Variants in NOP14 observed in about 807,000 individuals in gnomAD.
NOP14 encodes the protein NOP14 nucleolar protein.
A neutral mutation model predicts 101.6 loss-of-function variants in NOP14; 57 were observed. That is an observed-to-expected ratio of 0.56 (90% CI 0.45 to 0.70). The LOEUF (loss-of-function observed/expected upper bound fraction) is 0.70. NOP14 is among the 30% of genes least tolerant of loss of function. The pLI is 0.00. For missense variants in NOP14, 1,134 were observed against 1,075.5 expected (o/e 1.05, Z -0.76); for synonymous variants, 428 against 424.0 (o/e 1.01, Z -0.12).
At chr4:2,945,360 G>T in intron 11 of NOP14, 131 bp from the exon 12 acceptor site, 1 of 682,622 alleles carries the variant, frequency 1.5e-6, no homozygotes, top group Non-Finnish European at 2.5e-6. Flanking sequence ...CCAGAGCTCT[G>T]GCCTCAGTGT....
chr4:2,959,464 G>C (rs993542009), intron 1 of NOP14, among the ~76,000 whole-genome samples: 4 of 152,024 alleles, frequency 2.6e-5, no homozygotes, highest in African/African-American at 9.7e-5. Flanking sequence ...GTGGTGGCGG[G>C]CGCCTGTAGT....
At chr4:2,958,187 G>T (rs1365888971) in intron 1 of NOP14, among the ~76,000 whole-genome samples, 1 of 152,170 alleles carries the variant, frequency 6.6e-6, no homozygotes, top group Non-Finnish European at 1.5e-5. Flanking sequence ...TAGACACAAG[G>T]CAATAAACAA....
chr4:2,957,780 G>A (rs1403260321), intron 1 of NOP14, 40 bp from the exon 2 acceptor site: 2 of 1,606,202 alleles, frequency 1.2e-6, no homozygotes, highest in Admixed American at 1.7e-5. Context: ...AAAAATTCTT[G>A]TGATTTCCAC....
intron 6 of NOP14, 151 bp downstream of exon 6, chr4:2,952,124 A>T: frequency 4.7e-6 from 3 of 636,342 alleles, no homozygotes; most frequent in Non-Finnish European, 7.1e-6. Context: ...AAAAAAAAAA[A>T]GGTATTCATG....
chr4:2,941,253 G>A, intron 15 of NOP14: 2 of 301,924 alleles, frequency 6.6e-6, no homozygotes, highest in South Asian at 3.9e-5. Context: ...CATCGGGACT[G>A]CAGAGCGCGG....
chr4:2,952,012 C>T (rs192728121), intron 6 of NOP14, among the ~76,000 whole-genome samples: 3 of 150,880 alleles, frequency 2.0e-5, no homozygotes, highest in Non-Finnish European at 2.9e-5. Flanking sequence ...GAGGCTGAGG[C>T]AGGAGAATCA....
intron 3 of NOP14, among the ~76,000 whole-genome samples, chr4:2,956,240 A>T (rs1715336612): frequency 6.6e-6 from 1 of 152,228 alleles, no homozygotes. Context: ...CATCAATGCC[A>T]CTGGTACAAA....
chr4:2,961,558 C>G (rs182824512), intron 1 of NOP14: 1 of 152,236 alleles, frequency 6.6e-6, no homozygotes, highest in Admixed American at 6.5e-5. Context: ...CCCCTACACG[C>G]GTTATCAAGC....
rs372993133 is a variant in NOP14 at position 2,939,340 on chromosome 4, G to A, written c.2322C>T (p.Leu774=). 1.1e-4 allele frequency: 175 copies of A among 1,613,820 alleles called. No individual in the cohort carries two copies. Among genetic ancestry groups the A allele is most frequent in the Middle Eastern group, 3.3e-4 (2 of 6,082 alleles). The change falls in exon 17 of 18, where the codon CTC becomes CTT. Residue 774 remains leucine, a synonymous_variant. Coordinates refer to ENST00000416614, the MANE Select transcript of NOP14 (RefSeq NM_001291978.2). ...TACTGCCTTGTTTTCTTCCAAACTC[G>A]AGGCTACAACCAGAAAGCCACTGTT... ...KLFTPRLVKV[L]EFGRKQGSSK...
At chr4:2,951,348 C>G in intron 6 of NOP14, 103 bp from the exon 7 acceptor site, 1 of 1,028,526 alleles carries the variant, frequency 9.7e-7, no homozygotes, top group Non-Finnish European at 1.4e-6. Context: ...TACGGTCCTC[C>G]CAGCTCTGAG....
rs572496259 is a variant in NOP14, at chr4:2,938,380, C to T, written c.*451G>A. On this transcript the variant is annotated 3_prime_UTR_variant, in exon 18 of 18. Coordinates refer to ENST00000416614, the MANE Select transcript of NOP14 (RefSeq NM_001291978.2). ...TACTAAAAATACAAAATTAGCTGGG[C>T]GTGGTGGCACATGTCTGTAATCCCA... The T allele has an allele frequency of 1.8e-4, 72 of 406,000 alleles. No individual in the cohort carries two copies. The highest frequency in any genetic ancestry group is 6.5e-4 in the East Asian group (8 of 12,348). 25.1% of individuals were successfully genotyped at this position (406,000 alleles called of 1,614,324 possible).
At chr4:2,956,575 T>C in intron 3 of NOP14, 95 bp downstream of exon 3, 2 of 1,225,320 alleles carry the variant, frequency 1.6e-6, no homozygotes, top group Admixed American at 2.6e-5. Context: ...ATGCAATAAC[T>C]TTCTCTAGTC....
intron 10 of NOP14, 165 bp downstream of exon 10, chr4:2,947,361 C>T (rs985852086): frequency 1.8e-5 from 11 of 612,326 alleles, no homozygotes; most frequent in African/African-American, 1.5e-4. Context: ...AGCCGGCTTG[C>T]GCTGTGAGGC....
chr4:2,962,458 G>A (rs1577864402), intron 1 of NOP14, among the ~76,000 whole-genome samples: 1 of 152,158 alleles, frequency 6.6e-6, no homozygotes, highest in South Asian at 2.1e-4. Flanking sequence ...GAAGGCAAGG[G>A]CAAGTCTTAT....
intron 16 of NOP14, 68 bp from the exon 17 acceptor site, chr4:2,939,411 G>A (rs1713959476): frequency 6.2e-7 from 1 of 1,607,908 alleles, no homozygotes; most frequent in Admixed American, 1.7e-5. Flanking sequence ...AGCCTGCTTG[G>A]GAGTGTGGCT....
intron 15 of NOP14, 75 bp from the exon 16 acceptor site, chr4:2,939,720 GGT>G (rs1272776818): frequency 8.8e-7 from 1 of 1,136,950 alleles, no homozygotes; most frequent in African/African-American, 1.5e-5. Flanking sequence ...CGGGTTCTGT[GGT>G]GTCAAGGCAG....
chr4:2,960,192 G>A (rs543599895), intron 1 of NOP14, among the ~76,000 whole-genome samples: 4 of 151,948 alleles, frequency 2.6e-5, no homozygotes, highest in African/African-American at 4.8e-5. Context: ...GGCTGGTTTC[G>A]AACTCCTGAG....
At chr4:2,954,871 G>A (rs1057234464) in intron 3 of NOP14, among the ~76,000 whole-genome samples, 6 of 152,068 alleles carry the variant, frequency 3.9e-5, no homozygotes. Flanking sequence ...CAAACCCAGA[G>A]CAAGCTGACT....
Position 2,954,435 on chromosome 4 carries a change from T to C in NOP14, c.601A>G (p.Lys201Glu), listed in dbSNP as rs1198301370. The C allele has an allele frequency of 3.7e-6, 6 of 1,614,142 alleles. No individual in the cohort carries two copies. Among genetic ancestry groups the C allele is most frequent in the Non-Finnish European group, 5.1e-6 (6 of 1,179,998 alleles). The change falls in exon 4 of 18, where the codon AAA (lysine) becomes GAA (glutamate). Residue 201 changes from lysine (K) to glutamate (E), a missense_variant. Physicochemically the swap from Lys to Glu is moderately conservative, Grantham distance 56. Coordinates refer to ENST00000416614, the MANE Select transcript of NOP14 (RefSeq NM_001291978.2). ...ACTCACTAACCCACCTTCTCTTGTT[T>C]TGACTTGGCAATGAGCTCTTCAATC... The part of the protein sequence containing the change: ...ELIEELIAKS[K>E]QEKRERQAQR...
Sources: allele counts gnomAD v4.1 joint callset (sites outside exome capture counted in the v4.1 genomes callset), GRCh38; gene constraint gnomAD v4.1.1; transcripts MANE v1.5; gene names NCBI Gene and HGNC (gene_info 2026-07-23, HGNC 2026-07-21).